Variants in ITGA9 observed in about 807,000 individuals in gnomAD.
ITGA9 encodes the protein integrin alpha-9.
A neutral mutation model predicts 127.8 loss-of-function variants in ITGA9; 56 were observed. The ratio of observed to expected loss-of-function variants is 0.44; its 90% confidence interval spans 0.35 to 0.55. ITGA9 has a LOEUF of 0.55. Ranked by LOEUF, ITGA9 falls within the 20% of genes least tolerant of loss-of-function variation. ITGA9 has a pLI of 0.00. For synonymous variants in ITGA9, 508 were observed against 514.5 expected (o/e 0.99, Z 0.17); for missense variants, 1,196 against 1,347.1 (o/e 0.89, Z 1.76).
At chr3:37,562,716 A>G (rs541742871) in intron 15 of ITGA9, among the ~76,000 whole-genome samples, 1 of 152,328 alleles carries the variant, frequency 6.6e-6, no homozygotes, top group East Asian at 1.9e-4. Context: ...TGTTTATTCC[A>G]TAGCTCTCCT....
chr3:37,693,922 C>T (rs550378722), intron 18 of ITGA9, among the ~76,000 whole-genome samples: 1 of 152,264 alleles, frequency 6.6e-6, no homozygotes, highest in African/African-American at 2.4e-5. Context: ...AAAATTCAAC[C>T]CTTAGATGTT....
intron 17 of ITGA9, among the ~76,000 whole-genome samples, chr3:37,657,636 C>A (rs1370125757): frequency 7.0e-6 from 1 of 141,984 alleles, no homozygotes; most frequent in East Asian, 2.1e-4. Flanking sequence ...AAAAAAAAAA[C>A]CAGCTCCTGG....
At chr3:37,706,077 T>C (rs1326911679) in intron 18 of ITGA9, among the ~76,000 whole-genome samples, 2 of 152,178 alleles carry the variant, frequency 1.3e-5, no homozygotes, top group East Asian at 3.8e-4. Flanking sequence ...GGTGTGCCAT[T>C]TGGGGGGAAA....
intron 5 of ITGA9, among the ~76,000 whole-genome samples, chr3:37,497,663 C>G (rs1251820768): frequency 6.6e-6 from 1 of 152,184 alleles, no homozygotes; most frequent in Non-Finnish European, 1.5e-5. Context: ...TTTCCTCTCC[C>G]CATTGAAATG....
At chr3:37,750,804 G>A (rs956676426) in intron 23 of ITGA9, among the ~76,000 whole-genome samples, 15 of 152,238 alleles carry the variant, frequency 9.9e-5, no homozygotes, top group Non-Finnish European at 1.0e-4. Flanking sequence ...AGTTAATTAC[G>A]AACCAGCTCC....
intron 17 of ITGA9, among the ~76,000 whole-genome samples, chr3:37,655,402 A>G (rs2125648434): frequency 6.6e-6 from 1 of 152,312 alleles, no homozygotes; most frequent in East Asian, 1.9e-4. Flanking sequence ...CTGGCGTGAC[A>G]TGGTATCTCA....
intron 16 of ITGA9, among the ~76,000 whole-genome samples, chr3:37,652,538 T>C (rs927910488): frequency 1.3e-5 from 2 of 152,112 alleles, no homozygotes; most frequent in African/African-American, 4.8e-5. Flanking sequence ...CAGGGGAATA[T>C]GAATTTTCAT....
intron 17 of ITGA9, among the ~76,000 whole-genome samples, chr3:37,672,050 T>C (rs991080480): frequency 5.9e-5 from 9 of 152,128 alleles, no homozygotes; most frequent in Non-Finnish European, 1.3e-4. Context: ...AGTATCCAGA[T>C]AGATGCTAGT....
intron 15 of ITGA9, among the ~76,000 whole-genome samples, chr3:37,599,786 T>C (rs1357718841): frequency 6.6e-6 from 1 of 152,254 alleles, no homozygotes; most frequent in African/African-American, 2.4e-5. Context: ...TAATGCATAG[T>C]AAATTCTCAG....
chr3:37,515,163 G>A (rs1229150742), intron 9 of ITGA9, among the ~76,000 whole-genome samples: 1 of 152,206 alleles, frequency 6.6e-6, no homozygotes, highest in Non-Finnish European at 1.5e-5. Context: ...GTGGAAAAAT[G>A]GGATGAAAAC....
chr3:37,802,062 T>C (rs1235419343), intron 26 of ITGA9, among the ~76,000 whole-genome samples: 1 of 152,024 alleles, frequency 6.6e-6, no homozygotes, highest in African/African-American at 2.4e-5. Flanking sequence ...CAAGCTCAGA[T>C]TTGGGGGTTT....
At position 37,469,478 on chromosome 3, in the gene ITGA9, G is replaced by A. The variant is rs995155815; in HGVS notation, c.186-1529G>A. ...TGTTACTGAAATGTAACACATCCAG[G>A]AAAGTGTCCATATCATATACAGTTA... is the stretch of plus-strand genomic sequence containing the variant. On this transcript the variant is annotated intron_variant, in intron 1 of 27. Transcript: ENST00000264741. Among the ~76,000 whole-genome samples the A allele has an allele frequency of 5.3e-5, 8 of 152,240 alleles. No individual in the cohort carries two copies. In the East Asian group the frequency reaches 1.5e-3, roughly 29 times the overall value.
intron 17 of ITGA9, among the ~76,000 whole-genome samples, chr3:37,682,761 C>T (rs1193837526): frequency 6.6e-6 from 1 of 152,124 alleles, no homozygotes; most frequent in Admixed American, 6.5e-5. Flanking sequence ...TGAAGCAGTC[C>T]TTGACTCCTC....
At chr3:37,789,517 T>C (rs1398667117) in intron 26 of ITGA9, among the ~76,000 whole-genome samples, 1 of 151,176 alleles carries the variant, frequency 6.6e-6, no homozygotes, top group Non-Finnish European at 1.5e-5. Context: ...CCTAGCACTT[T>C]GGGAGGCCAA....
chr3:37,477,564 A>G (rs1439744861), intron 3 of ITGA9, among the ~76,000 whole-genome samples: 3 of 152,196 alleles, frequency 2.0e-5, no homozygotes, highest in African/African-American at 7.2e-5. Context: ...ACTGGATGTA[A>G]AGATAGCATC....
At chr3:37,759,740 A>G (rs1696701198) in intron 23 of ITGA9, among the ~76,000 whole-genome samples, 1 of 151,546 alleles carries the variant, frequency 6.6e-6, no homozygotes, top group Non-Finnish European at 1.5e-5. Context: ...TGTCTGTACT[A>G]AAAATACACA....
At chr3:37,530,117 G>A (rs1238246100) in intron 13 of ITGA9, among the ~76,000 whole-genome samples, 1 of 152,202 alleles carries the variant, frequency 6.6e-6, no homozygotes, top group Non-Finnish European at 1.5e-5. Flanking sequence ...AGGAAGCAAG[G>A]TGGGGCAGGC....
chr3:37,615,503 C>T (rs2125628211), intron 15 of ITGA9, among the ~76,000 whole-genome samples: 1 of 152,284 alleles, frequency 6.6e-6, no homozygotes, highest in Non-Finnish European at 1.5e-5. Flanking sequence ...GGAGGATTCC[C>T]TCTTTTTCTG....
chr3:37,624,628 GAC>G, intron 15 of ITGA9, among the ~76,000 whole-genome samples: 1 of 152,198 alleles, frequency 6.6e-6, no homozygotes, highest in Non-Finnish European at 1.5e-5. Context: ...TTATTTTTGA[GAC>G]AGAGTCTTGC....
Sources: gnomAD v4.1 joint callset for allele counts (sites outside exome capture counted in the v4.1 genomes callset) on GRCh38, gnomAD v4.1.1 for gene constraint, MANE v1.5 for transcripts, NCBI Gene and HGNC (gene_info 2026-07-23, HGNC 2026-07-21) for gene names.